The following ITGA5 variants were observed in gnomAD, a reference collection of about 807,000 sequenced individuals.
ITGA5 encodes integrin alpha-5.
ITGA5 carries 55 observed loss-of-function variants against 146.3 expected under a neutral mutation model. The ratio of observed to expected loss-of-function variants is 0.38; its 90% CI spans 0.30 to 0.47. The LOEUF (loss-of-function observed/expected upper bound fraction) is 0.47, where lower values mean the gene tolerates loss of function less well. Ranked by LOEUF, ITGA5 falls within the 20% of genes least tolerant of loss-of-function variation. The pLI is 0.99. For synonymous variants in ITGA5, 500 were observed against 531.8 expected (o/e 0.94, Z 0.82); for missense variants, 1,131 against 1,329.0 (o/e 0.85, Z 2.32).
chr12:54,406,213 G>A (rs575821169), intron 9 of ITGA5: 2 of 493,026 alleles, frequency 4.1e-6, no homozygotes, highest in South Asian at 5.1e-5. Context: ...ATCAATAGGG[G>A]CAGGAACTTG....
intron 1 of ITGA5, chr12:54,412,375 C>T (rs990509142): frequency 1.9e-5 from 3 of 156,276 alleles, no homozygotes; most frequent in South Asian, 1.9e-4. Flanking sequence ...GGTCTCTCAT[C>T]TAGCCTATAT....
At position 54,403,017 on chromosome 12, in the gene ITGA5, T is replaced by A; in HGVS notation, c.1948A>T (p.Ile650Phe). 2 of 1,614,020 alleles carry A rather than the reference T, an allele frequency of 1.2e-6. No individual in the cohort carries two copies. Among genetic ancestry groups the A allele is most frequent in the East Asian group, 2.2e-5 (1 of 44,854 alleles). The stretch of plus-strand genomic sequence containing the variant: ...TCCAGCTGCAGGTCAGGCACACAGA[T>A]GTTGTCTTCTCCACAGTCCAGCAAG... ...QILLDCGEDNICVPDLQLEVF... is the reference protein window; with the variant it reads ...QILLDCGEDNFCVPDLQLEVF... The change falls in exon 19 of 30, where the codon ATC (isoleucine) becomes TTC (phenylalanine). Residue 650 changes from isoleucine to phenylalanine, a missense_variant. Physicochemically the swap from Ile to Phe is conservative, Grantham distance 21. Around this residue, in one of 3 missense-constraint regions of ITGA5, gnomAD observed 889 missense variants for 1,021.5 expected, o/e 0.87. Transcript: ENST00000293379. This position sits in a 1 kb window ranked among gnomAD's most constrained non-coding sequence, Gnocchi z 4.9.
Position 54,397,381 on chromosome 12 carries a change from A to G in ITGA5, c.3050T>C (p.Ile1017Thr). ...GTGGCTGACCTTGTAGAGGATGTAG[A>G]TGAGTAGACCTAGGAGCAGGAGGCC... ...LFGLLLLGLL[I>T]YILYKLGFFK... The change falls in exon 29 of 30, where the codon ATC becomes ACC. Residue 1017 changes from isoleucine to threonine, a missense_variant. By Grantham distance (89) the Ile-to-Thr change is moderately conservative. Coordinates refer to ENST00000293379, the MANE Select transcript of ITGA5 (RefSeq NM_002205.5). 1 of 1,613,986 alleles carries G rather than the reference A, an allele frequency of 6.2e-7. No homozygotes were observed. Among genetic ancestry groups the G allele is most frequent in the South Asian group, 1.1e-5 (1 of 91,078 alleles).
intron 2 of ITGA5, among the ~76,000 whole-genome samples, chr12:54,410,129 A>G (rs560587855): frequency 6.6e-6 from 1 of 152,252 alleles, no homozygotes; most frequent in South Asian, 2.1e-4. Flanking sequence ...TGCTGGGATT[A>G]CAAGCGTGAG....
chr12:54,403,551 C>G lies in ITGA5; in HGVS notation c.1776+74G>C. On this transcript the variant is annotated intron_variant, in intron 17 of 29. Transcript: ENST00000293379. This position sits in a 1 kb window ranked among gnomAD's most constrained non-coding sequence, Gnocchi z 4.9. ...TTCACTGGAGTCCCCCAGTCTTTTT[C>G]CCTTCAGGAGGTGCCCTCAGTTCTG... The G allele has an allele frequency of 6.6e-7, 1 of 1,506,048 alleles. No individual in the cohort carries two copies. The highest frequency in any genetic ancestry group is 9.0e-7 in the Non-Finnish European group (1 of 1,115,066). 93.3% of individuals were successfully genotyped at this position (1,506,048 alleles called of 1,614,324 possible).
chr12:54,397,383 G>T lies in ITGA5; in HGVS notation c.3048C>A (p.Leu1016=). Residue 1016 remains leucine, a synonymous_variant, in exon 29 of 30, where the codon CTC becomes CTA. Coordinates refer to ENST00000293379, the MANE Select transcript of ITGA5 (RefSeq NM_002205.5). ...ILFGLLLLGL[L]IYILYKLGFF... The stretch of plus-strand genomic sequence containing the variant: ...GGCTGACCTTGTAGAGGATGTAGAT[G>T]AGTAGACCTAGGAGCAGGAGGCCAA... 6.2e-7 allele frequency: 1 copy of T among 1,614,068 alleles called. No homozygotes were observed. Among genetic ancestry groups the T allele is most frequent in the Non-Finnish European group, 8.5e-7 (1 of 1,179,982 alleles).
chr12:54,418,960 T>C (rs1956043191), intron 1 of ITGA5, 21 bp downstream of exon 1: 2 of 1,583,460 alleles, frequency 1.3e-6, no homozygotes, highest in African/African-American at 1.4e-5. Flanking sequence ...CCCCATCCCG[T>C]CTCCAGCCCT....
Position 54,405,202 on chromosome 12 carries a change from T to G in ITGA5, c.1189A>C (p.Thr397Pro). The change falls in exon 12 of 30, where the codon ACC becomes CCC. Residue 397 changes from threonine (T) to proline (P), a missense_variant. By Grantham distance (38) the Thr-to-Pro change is conservative. This residue lies in a region of ITGA5 where 889 missense variants were observed against 1,021.5 expected (regional missense o/e 0.87). Transcript: ENST00000293379. ...TCCTGGTCCAGGTCCCCCAGGGGGGTCAAGGAGCTGCCAAATCGGCCAAAC... is the reference window on the plus strand; with the variant it reads ...TCCTGGTCCAGGTCCCCCAGGGGGGGCAAGGAGCTGCCAAATCGGCCAAAC... ...DEFGRFGSSL[T>P]PLGDLDQDGY... is the part of the protein sequence containing the mutation. 1 of 1,610,942 alleles carries G rather than the reference T, an allele frequency of 6.2e-7. No individual in the cohort carries two copies. Among genetic ancestry groups the G allele is most frequent in the Non-Finnish European group, 8.5e-7 (1 of 1,178,016 alleles).
chr12:54,408,858 C>T, intron 5 of ITGA5, 35 bp downstream of exon 5: 1 of 1,613,600 alleles, frequency 6.2e-7, no homozygotes, highest in Non-Finnish European at 8.5e-7. Context: ...ATGTCCACCA[C>T]CCACGGCCCC....
intron 19 of ITGA5, 83 bp from the exon 20 acceptor site, chr12:54,402,413 G>C (rs1239593317): frequency 6.7e-6 from 9 of 1,333,686 alleles, no homozygotes; most frequent in Non-Finnish European, 9.3e-6. Flanking sequence ...GTAGTAATAC[G>C]AGGCCGGGTG....
rs1438135864 is a variant in ITGA5, at chr12:54,404,910, C to T, written c.1226-16G>A. On this transcript the variant is annotated splice_polypyrimidine_tract_variant and intron_variant, in intron 12 of 29. Coordinates refer to ENST00000293379, the MANE Select transcript of ITGA5 (RefSeq NM_002205.5). ...ATGGCCACATCTGGAAGACACAGAACACACACTAGTCAGCAGGCCAGGAAT... is the reference window on the plus strand; with the variant it reads ...ATGGCCACATCTGGAAGACACAGAATACACACTAGTCAGCAGGCCAGGAAT... The T allele has an allele frequency of 6.5e-7, 1 of 1,540,716 alleles. No individual in the cohort carries two copies. The highest frequency in any genetic ancestry group is 2.3e-5 in the East Asian group (1 of 43,408).
rs762890642 is a variant in ITGA5, at chr12:54,403,688, G to T, written c.1713C>A (p.Thr571=). 6.2e-7 allele frequency: 1 copy of T among 1,614,156 alleles called. No homozygotes were observed. Among genetic ancestry groups the T allele is most frequent in the South Asian group, 1.1e-5 (1 of 91,088 alleles). Reference sequence around the variant, plus strand: ...CCCCATTCTGGATGAGCAGGGTCTGGGTCAGGGTTGCCTGCCTGGAGGCCA... The same window carrying T: ...CCCCATTCTGGATGAGCAGGGTCTGTGTCAGGGTTGCCTGCCTGGAGGCCA... ...LFLASRQATL[T]QTLLIQNGAR... is the part of the protein sequence containing the mutation. Residue 571 remains threonine, a synonymous_variant, in exon 17 of 30, where the codon ACC becomes ACA. Coordinates refer to ENST00000293379, the MANE Select transcript of ITGA5 (RefSeq NM_002205.5). The surrounding 1 kb of genome is among the most constrained non-coding windows in gnomAD (Gnocchi z 4.9).
intron 5 of ITGA5, 37 bp downstream of exon 5, chr12:54,408,856 C>T (rs1955903593): frequency 6.2e-7 from 1 of 1,613,606 alleles, no homozygotes; most frequent in Non-Finnish European, 8.5e-7. Flanking sequence ...CCATGTCCAC[C>T]ACCCACGGCC....
intron 13 of ITGA5, 97 bp downstream of exon 13, chr12:54,404,605 GA>G: frequency 6.8e-7 from 1 of 1,478,212 alleles, no homozygotes; most frequent in Non-Finnish European, 9.5e-7. Context: ...GAATTAGCCA[GA>G]ACTGCACCCA....
chr12:54,396,177 G>A lies in ITGA5; in HGVS notation c.*116C>T. On this transcript the variant is annotated 3_prime_UTR_variant, in exon 30 of 30. Transcript: ENST00000293379. ...TTCAAGTATGTCTCTGGGCTGGGGA[G>A]AGGAGCTTCTCCCTGGCCGTCAGCA... The A allele has an allele frequency of 1.3e-6, 1 of 780,752 alleles. No individual in the cohort carries two copies. The highest frequency in any genetic ancestry group is 2.2e-6 in the Non-Finnish European group (1 of 464,124). 48.4% of individuals were successfully genotyped at this position (780,752 alleles called of 1,614,324 possible).
In ITGA5 at chr12:54,404,234, G is replaced by A. The variant is rs781434562; in HGVS notation, c.1476C>T (p.Ile492=). 6.2e-7 allele frequency: 1 copy of A among 1,601,184 alleles called. No individual in the cohort carries two copies. The highest frequency in any genetic ancestry group is 1.1e-5 in the South Asian group (1 of 88,718). Residue 492 remains isoleucine, a synonymous_variant, in exon 15 of 30, where the codon ATC becomes ATT. Transcript: ENST00000293379. The part of the protein sequence containing the change: ...DKAVVYRGRP[I]VSASASLTIF... ...TGGTGAGGGAGGCACTAGCGGACAC[G>A]ATGGGGCGGCCCCTGCCAAGAGTGA...
At chr12:54,402,381 AG>A in intron 19 of ITGA5, 51 bp from the exon 20 acceptor site, 1 of 1,520,860 alleles carries the variant, frequency 6.6e-7, no homozygotes, top group Non-Finnish European at 9.0e-7. Flanking sequence ...TCCTCAAACC[AG>A]GACAAAGGAC....
chr12:54,417,126 G>A (rs966033000), intron 1 of ITGA5, among the ~76,000 whole-genome samples: 1 of 152,132 alleles, frequency 6.6e-6, no homozygotes, highest in Non-Finnish European at 1.5e-5. Context: ...AGCAGAAGGG[G>A]AGGGGGAAGG....
At chr12:54,418,569 C>T (rs983195861) in intron 1 of ITGA5, among the ~76,000 whole-genome samples, 3 of 151,988 alleles carry the variant, frequency 2.0e-5, no homozygotes, top group Non-Finnish European at 2.9e-5. Context: ...CCCGAGGTCT[C>T]CTGGAGCCCC....
Sources: allele counts gnomAD v4.1 joint callset (sites outside exome capture counted in the v4.1 genomes callset), GRCh38; gene constraint gnomAD v4.1.1; regional missense constraint gnomAD v4.1.1; non-coding constraint Gnocchi (gnomAD v3.1); transcripts MANE v1.5; gene names NCBI Gene and HGNC (gene_info 2026-07-23, HGNC 2026-07-21).